The following TP63 variants were observed in gnomAD, a reference collection of about 807,000 sequenced individuals.
TP63 encodes the protein tumor protein 63.
A neutral mutation model predicts 82.8 loss-of-function variants in TP63; 17 were observed. The observed-to-expected ratio is 0.21, with a 90% CI of 0.14 to 0.31. The LOEUF is 0.31. TP63 is among the 10% of genes least tolerant of loss of function. The pLI is 1.00. For synonymous variants in TP63, 330 were observed against 321.7 expected, an observed-to-expected ratio of 1.03 and a Z score of -0.28; for missense variants, 648 against 895.3, an observed-to-expected ratio of 0.72 and a Z score of 3.52.
At chr3:189,619,562 G>A in the TP63 span, among the ~76,000 whole-genome samples, 5 of 152,082 alleles carry the variant, frequency 3.3e-5, no homozygotes, top group Non-Finnish European at 7.4e-5. Context: ...CACCAAAGAT[G>A]TCCTCTGACT....
chr3:189,828,722 G>A (rs879478423), intron 4 of TP63, among the ~76,000 whole-genome samples: 11 of 152,158 alleles, frequency 7.2e-5, no homozygotes, highest in South Asian at 2.1e-4. Context: ...TGGCTAGGCC[G>A]TTTTGCTGCT....
chr3:189,811,649 A>T (rs1033263650), intron 4 of TP63, among the ~76,000 whole-genome samples: 1 of 152,154 alleles, frequency 6.6e-6, no homozygotes, highest in Non-Finnish European at 1.5e-5. Flanking sequence ...TTTAAAAAGT[A>T]TTTTTTCATA....
At chr3:189,612,730 A>T in the TP63 span, among the ~76,000 whole-genome samples, 2 of 152,196 alleles carry the variant, frequency 1.3e-5, no homozygotes, top group African/African-American at 4.8e-5. Flanking sequence ...TTTGCCCAAA[A>T]TCCTGATAGC....
intron 1 of TP63, among the ~76,000 whole-genome samples, chr3:189,683,727 T>C (rs1716174361): frequency 6.6e-6 from 1 of 152,208 alleles, no homozygotes; most frequent in African/African-American, 2.4e-5. Context: ...AAACTCGGTC[T>C]CCTCTTTATA....
rs981677247 is a variant in TP63, at chr3:189,890,765, TCCTCTTCCCTCCTC to T, written c.1653-18_1653-5del. 2 of 1,608,320 alleles carry T rather than the reference TCCTCTTCCCTCCTC, an allele frequency of 1.2e-6. No individual in the cohort carries two copies. Among genetic ancestry groups the T allele is most frequent in the Admixed American group, 1.7e-5 (1 of 59,968 alleles). ...GAACTTTCTTTTTCTGTTTCCTCCT[TCCTCTTCCCTCCTC>T]CCTCTGCAGTTTCTTAGCGAGGTTG... is the stretch of plus-strand genomic sequence containing the variant. On this transcript the variant is annotated splice_polypyrimidine_tract_variant and intron_variant, in intron 12 of 13. Coordinates refer to ENST00000264731, the MANE Select transcript of TP63 (RefSeq NM_003722.5).
At chr3:189,862,135 A>G (rs1183480218) in intron 4 of TP63, among the ~76,000 whole-genome samples, 2 of 152,172 alleles carry the variant, frequency 1.3e-5, no homozygotes, top group Non-Finnish European at 1.5e-5. Context: ...ATTCTGCTGG[A>G]TACATTCATA....
intron 1 of TP63, among the ~76,000 whole-genome samples, chr3:189,646,024 A>C (rs1338995658): frequency 1.4e-5 from 2 of 147,330 alleles, no homozygotes; most frequent in Admixed American, 6.7e-5. Flanking sequence ...GTATTTTAAC[A>C]AGAACTCAAG....
chr3:189,848,746 G>A (rs1052458610), intron 4 of TP63, among the ~76,000 whole-genome samples: 1 of 152,126 alleles, frequency 6.6e-6, no homozygotes, highest in Non-Finnish European at 1.5e-5. Flanking sequence ...ATTTAGTTGT[G>A]CAACCTTTAG....
intron 3 of TP63, among the ~76,000 whole-genome samples, chr3:189,796,214 TA>T (rs1452180227): frequency 6.6e-6 from 1 of 151,986 alleles, no homozygotes; most frequent in East Asian, 1.9e-4. Context: ...ATAAAAAATT[TA>T]AGATATTATC....
intron 1 of TP63, among the ~76,000 whole-genome samples, chr3:189,721,782 A>G (rs1719414377): frequency 6.6e-6 from 1 of 152,204 alleles, no homozygotes; most frequent in African/African-American, 2.4e-5. Flanking sequence ...AATGGTTCTG[A>G]ACCTCACCAA....
chr3:189,661,008 AT>A (rs1713832250), intron 1 of TP63, among the ~76,000 whole-genome samples: 1 of 152,020 alleles, frequency 6.6e-6, no homozygotes, highest in South Asian at 2.1e-4. Context: ...TAGGTGTAAA[AT>A]CATATCAGCA....
intron 3 of TP63, among the ~76,000 whole-genome samples, chr3:189,745,272 G>A (rs544005484): frequency 1.3e-5 from 2 of 152,226 alleles, no homozygotes; most frequent in East Asian, 3.9e-4. Flanking sequence ...ATAGATCCCA[G>A]TAAAAATTAT....
chr3:189,673,436 G>T (rs1715106292), intron 1 of TP63, among the ~76,000 whole-genome samples: 1 of 151,946 alleles, frequency 6.6e-6, no homozygotes, highest in African/African-American at 2.4e-5. Context: ...AGAACATAAA[G>T]ATTGGAAATA....
chr3:189,844,864 C>T (rs553647733), intron 4 of TP63, among the ~76,000 whole-genome samples: 2 of 152,202 alleles, frequency 1.3e-5, no homozygotes, highest in East Asian at 3.9e-4. Context: ...TTTTTATTTT[C>T]ATGTATCTCA....
intron 1 of TP63, among the ~76,000 whole-genome samples, chr3:189,653,223 AACAT>A (rs1713047453): frequency 6.6e-6 from 1 of 152,212 alleles, no homozygotes; most frequent in African/African-American, 2.4e-5. Flanking sequence ...CTTGGTCCAG[AACAT>A]ACATATGCCA....
intron 3 of TP63, among the ~76,000 whole-genome samples, chr3:189,747,300 C>T (rs79108234): frequency 0.048 from 7,370 of 152,088 alleles, 343 homozygotes; most frequent in East Asian, 0.24. Context: ...AATACAGATT[C>T]TTCTTATCAG....
chr3:189,657,625 G>C (rs569081676), intron 1 of TP63, among the ~76,000 whole-genome samples: 4 of 152,048 alleles, frequency 2.6e-5, no homozygotes, highest in Admixed American at 1.3e-4. Context: ...ATGGTACATG[G>C]TAAGAACCAT....
At chr3:189,808,222 T>A in intron 3 of TP63, 50 bp from the exon 4 acceptor site, 4 of 1,614,196 alleles carry the variant, frequency 2.5e-6, no homozygotes, top group Non-Finnish European at 3.4e-6. Flanking sequence ...TTTGGAGCAA[T>A]GATCCGTGGC....
At chr3:189,782,638 T>A (rs1724311706) in intron 3 of TP63, among the ~76,000 whole-genome samples, 2 of 152,172 alleles carry the variant, frequency 1.3e-5, no homozygotes, top group Admixed American at 1.3e-4. Context: ...TTAGGGAAGT[T>A]AAATATTATA....
Sources: gnomAD v4.1 joint callset for allele counts (sites outside exome capture counted in the v4.1 genomes callset) on GRCh38, gnomAD v4.1.1 for gene constraint, MANE v1.5 for transcripts, NCBI Gene and HGNC (gene_info 2026-07-23, HGNC 2026-07-21) for gene names.